GRIN2A: variants seen among roughly 807,000 people sequenced by gnomAD.
GRIN2A encodes glutamate receptor ionotropic, NMDA 2A.
In GRIN2A, 22 loss-of-function variants were observed where a neutral mutation model predicts 113.4. The observed-to-expected ratio is 0.19, with a 90% CI of 0.14 to 0.28. GRIN2A has a LOEUF of 0.28. Ranked by LOEUF, GRIN2A falls within the 10% of genes least tolerant of loss-of-function variation. The pLI is 1.00. For missense variants in GRIN2A, 1,502 were observed against 1,887.0 expected, an observed-to-expected ratio of 0.80 and a Z score of 3.78; for synonymous variants, 827 against 738.4, an observed-to-expected ratio of 1.12 and a Z score of -1.94.
At chr16:9,781,244 A>G (rs1448070512) in intron 11 of GRIN2A, among the ~76,000 whole-genome samples, 1 of 152,238 alleles carries the variant, frequency 6.6e-6, no homozygotes, top group Non-Finnish European at 1.5e-5. Flanking sequence ...ATATTTATAT[A>G]AAAGAGATAG....
chr16:9,987,347 C>T (rs1479769511), intron 2 of GRIN2A, among the ~76,000 whole-genome samples: 1 of 152,096 alleles, frequency 6.6e-6, no homozygotes, highest in Admixed American at 6.5e-5. Flanking sequence ...CAACTCACTC[C>T]CATTTATAAC....
At chr16:10,096,518 A>AT (rs921359596) in intron 2 of GRIN2A, among the ~76,000 whole-genome samples, 12 of 120,558 alleles carry the variant, frequency 1.0e-4, no homozygotes, top group Middle Eastern at 4.3e-3. Flanking sequence ...TTCTTTTTCA[A>AT]TTTTTTTTAA....
chr16:9,799,064 G>A (rs1903190623), intron 10 of GRIN2A, among the ~76,000 whole-genome samples: 1 of 152,182 alleles, frequency 6.6e-6, no homozygotes, highest in Admixed American at 6.5e-5. Flanking sequence ...AAATGTTTTA[G>A]TGAGTATGCA....
In GRIN2A at chr16:10,072,699, A is replaced by T. The variant is rs903352848; in HGVS notation, c.414+107299T>A. 1.2e-4 allele frequency among the ~76,000 whole-genome samples: 19 copies of T among 152,160 alleles called. 1 individual carries two copies. The highest frequency in any genetic ancestry group is 6.5e-4 in the Admixed American group (10 of 15,280). ...CCCCCTGACATCAGAATCACCTGGG[A>T]ATCTGCTTAAACATGTGCATCCTAG... On this transcript the variant is annotated intron_variant, in intron 2 of 12. Coordinates refer to ENST00000330684, the MANE Select transcript of GRIN2A (RefSeq NM_001134407.3).
At chr16:9,856,337 A>C (rs2042966855) in intron 4 of GRIN2A, among the ~76,000 whole-genome samples, 3 of 152,186 alleles carry the variant, frequency 2.0e-5, no homozygotes, top group African/African-American at 7.2e-5. Context: ...CAGAGTTGTT[A>C]TAAAGATTAC....
At chr16:9,971,173 C>T (rs2045662749) in intron 2 of GRIN2A, among the ~76,000 whole-genome samples, 2 of 152,200 alleles carry the variant, frequency 1.3e-5, no homozygotes, top group South Asian at 4.1e-4. Context: ...AGGTGGATTG[C>T]TTTATTCTCC....
At chr16:9,836,129 T>C (rs1254317112) in intron 7 of GRIN2A, among the ~76,000 whole-genome samples, 2 of 152,208 alleles carry the variant, frequency 1.3e-5, no homozygotes, top group Non-Finnish European at 1.5e-5. Context: ...TATTCAAGAA[T>C]AGAGATAAAA....
intron 5 of GRIN2A, among the ~76,000 whole-genome samples, chr16:9,848,152 A>G (rs2042810243): frequency 6.7e-6 from 1 of 148,554 alleles, no homozygotes; most frequent in African/African-American, 2.4e-5. Context: ...TAAAATATGT[A>G]AAAATATATG....
At position 10,133,354 on chromosome 16, in the gene GRIN2A, T is replaced by C. The variant is rs371893827; in HGVS notation, c.414+46644A>G. Among the ~76,000 whole-genome samples, 13 of 152,234 alleles carry C rather than the reference T, an allele frequency of 8.5e-5. No homozygotes were observed. In the East Asian group the frequency reaches 1.9e-3, roughly 23 times the overall value. On this transcript the variant is annotated intron_variant, in intron 2 of 12. Transcript: ENST00000330684. ...CAGGCACAGTGACTCATGCCTGTAA[T>C]CCCAGCATTTTGGGAGGCCAAGGCG...
chr16:10,021,754 G>T (rs2046728063), intron 2 of GRIN2A, among the ~76,000 whole-genome samples: 1 of 151,976 alleles, frequency 6.6e-6, no homozygotes, highest in Non-Finnish European at 1.5e-5. Flanking sequence ...CCTGTCAGGG[G>T]AGACAGGGTC....
At chr16:9,813,857 C>T (rs556930274) in intron 10 of GRIN2A, among the ~76,000 whole-genome samples, 16 of 152,222 alleles carry the variant, frequency 1.1e-4, no homozygotes, top group African/African-American at 3.4e-4. Context: ...CTGGAGATGA[C>T]GCTACCCCAT....
intron 2 of GRIN2A, among the ~76,000 whole-genome samples, chr16:9,989,951 A>G (rs1567220304): frequency 6.6e-6 from 1 of 152,248 alleles, no homozygotes; most frequent in Admixed American, 6.5e-5. Flanking sequence ...AAATTAGTTC[A>G]GCCCCAGTGG....
chr16:9,978,250 T>A (rs1360408489), intron 2 of GRIN2A, among the ~76,000 whole-genome samples: 2 of 152,212 alleles, frequency 1.3e-5, no homozygotes, highest in South Asian at 2.1e-4. Context: ...TTTCAAAGTA[T>A]CCACGGAGAA....
chr16:10,019,057 C>T (rs1219039671), intron 2 of GRIN2A, among the ~76,000 whole-genome samples: 1 of 144,604 alleles, frequency 6.9e-6, no homozygotes, highest in Non-Finnish European at 1.5e-5. Context: ...AAGTGTTGAT[C>T]TCCAAAAAAA....
At chr16:10,082,967 C>T (rs2048012719) in intron 2 of GRIN2A, among the ~76,000 whole-genome samples, 2 of 152,088 alleles carry the variant, frequency 1.3e-5, no homozygotes, top group Non-Finnish European at 2.9e-5. Flanking sequence ...TAAAAGCCAA[C>T]ATGGGTACCC....
At chr16:10,015,272 G>GAAAAAAAAAAAAAAAAAAAAAAAAA (rs1189929832) in intron 2 of GRIN2A, among the ~76,000 whole-genome samples, 3 of 76,058 alleles carry the variant, frequency 3.9e-5, no homozygotes, top group Admixed American at 1.5e-4. Flanking sequence ...AAAAAAAAAA[G>GAAAAAAAAAAAAAAAAAAAAAAAAA]AAAAAAAAAA....
chr16:10,091,965 C>G (rs950424610), intron 2 of GRIN2A, among the ~76,000 whole-genome samples: 2 of 152,110 alleles, frequency 1.3e-5, no homozygotes, highest in African/African-American at 4.8e-5. Context: ...TGTAACTTTA[C>G]TTTAAAAATC....
chr16:9,776,672 G>A (rs778150466), intron 11 of GRIN2A, among the ~76,000 whole-genome samples: 2 of 152,060 alleles, frequency 1.3e-5, no homozygotes, highest in Non-Finnish European at 2.9e-5. Flanking sequence ...GCTGAAAGAC[G>A]TCAGAAGGTT....
chr16:9,862,141 A>C (rs753151623), intron 4 of GRIN2A, among the ~76,000 whole-genome samples: 3 of 152,236 alleles, frequency 2.0e-5, no homozygotes, highest in Non-Finnish European at 2.9e-5. Context: ...ACTAACATAC[A>C]GGATTAAATA....
Sources: allele counts gnomAD v4.1 joint callset (sites outside exome capture counted in the v4.1 genomes callset), GRCh38; gene constraint gnomAD v4.1.1; transcripts MANE v1.5; gene names NCBI Gene and HGNC (gene_info 2026-07-23, HGNC 2026-07-21).